Variants in SCUBE1 observed in about 807,000 individuals in gnomAD.
The protein encoded by SCUBE1 is signal peptide, CUB domain and EGF like domain containing 1.
A neutral mutation model predicts 124.4 loss-of-function variants in SCUBE1; 59 were observed. The ratio of observed to expected loss-of-function variants is 0.47; its 90% CI spans 0.38 to 0.59. SCUBE1 has a LOEUF of 0.59. SCUBE1 is among the 20% of genes least tolerant of loss of function. The pLI is 0.00. For synonymous variants in SCUBE1, 545 were observed against 550.9 expected (o/e 0.99, Z 0.15); for missense variants, 1,150 against 1,371.2 (o/e 0.84, Z 2.55).
At chr22:43,214,057 C>T in intron 16 of SCUBE1, 33 bp downstream of exon 16, 2 of 425,412 alleles carry the variant, frequency 4.7e-6, no homozygotes, top group African/African-American at 2.1e-5. Flanking sequence ...GCCCACCCCC[C>T]ACCCCCACCT....
chr22:43,276,948 T>C (rs1368147268), intron 4 of SCUBE1, among the ~76,000 whole-genome samples: 4 of 152,150 alleles, frequency 2.6e-5, no homozygotes, highest in Non-Finnish European at 5.9e-5. Flanking sequence ...GCCTGCTCCC[T>C]ACAGACCCCA....
rs747348049 is a variant in SCUBE1 at position 43,262,805 on chromosome 22, G to A, written c.525C>T (p.His175=). 2.5e-6 allele frequency: 4 copies of A among 1,614,106 alleles called. No individual in the cohort carries two copies. The highest frequency in any genetic ancestry group is 1.3e-5 in the African/African-American group (1 of 74,942). Residue 175 remains histidine, a synonymous_variant, in exon 5 of 22, where the codon CAC becomes CAT. Transcript: ENST00000360835. ...CACCTTTGGGCGTCTCCCGGCAGAT[G>A]TGGGCACAGCCATGGTCTTTGTTCA... ...NCMNKDHGCA[H]ICRETPKGGV...
intron 6 of SCUBE1, among the ~76,000 whole-genome samples, chr22:43,250,024 C>T (rs975630336): frequency 4.6e-5 from 7 of 152,366 alleles, no homozygotes; most frequent in African/African-American, 9.6e-5. Context: ...CCTGGCACCG[C>T]GCTAAGCACC....
rs1189516966 is a variant in SCUBE1, at chr22:43,281,536, TCAGTCACCCTCCTGTCACCTCCC to T, written c.484+9487_484+9509del. ...CTCAGCCACCCTCCTGTCACCTCCCTCAGTCACCCTCCTGTCACCTCCCCCTCAGCCACCCTCCTGTCACCTCC... is the reference window on the plus strand; with the variant it reads ...CTCAGCCACCCTCCTGTCACCTCCCTCCTCAGCCACCCTCCTGTCACCTCC... On this transcript the variant is annotated intron_variant, in intron 4 of 21. Coordinates refer to ENST00000360835, the MANE Select transcript of SCUBE1 (RefSeq NM_173050.5). 2.5e-3 allele frequency among the ~76,000 whole-genome samples: 190 copies of T among 75,174 alleles called. 2 individuals carry two copies. Among genetic ancestry groups the T allele is most frequent in the African/African-American group, 5.6e-3 (106 of 18,776 alleles). 49.3% of individuals were successfully genotyped at this position (75,174 alleles called of 152,430 possible). A position where few individuals can be genotyped will look rare whatever the true frequency, so the allele number is the denominator to read the frequency against.
rs1470823018 is a variant in SCUBE1 at position 43,227,513 on chromosome 22, C to T, written c.1085-17G>A. The T allele has an allele frequency of 5.0e-6, 8 of 1,609,034 alleles. No homozygotes were observed. Among genetic ancestry groups the T allele is most frequent in the Non-Finnish European group, 6.8e-6 (8 of 1,178,668 alleles). On this transcript the variant is annotated splice_polypyrimidine_tract_variant and intron_variant, in intron 9 of 21. Transcript: ENST00000360835. ...CGTCCACATCTGGAAGCACAGCGGGCGTAAGGGCAGAGGGGAGGCTGGCGG... is the reference window on the plus strand; with the variant it reads ...CGTCCACATCTGGAAGCACAGCGGGTGTAAGGGCAGAGGGGAGGCTGGCGG...
Position 43,208,112 on chromosome 22 carries a change from G to A in SCUBE1, c.2694C>T (p.Asn898=). The part of the protein sequence containing the change: ...LWIQFKSNEG[N]SGKGFQVPYV... ...AGGGCACTTGGAAGCCTTTGCCGCT[G>A]TTGCCTTCATTGGATTTGAACTGGA... The change falls in exon 20 of 22, where the codon AAC becomes AAT. Residue 898 remains asparagine, a synonymous_variant. Coordinates refer to ENST00000360835, the MANE Select transcript of SCUBE1 (RefSeq NM_173050.5). 6.2e-7 allele frequency: 1 copy of A among 1,614,176 alleles called. No homozygotes were observed. The highest frequency in any genetic ancestry group is 8.5e-7 in the Non-Finnish European group (1 of 1,180,032).
chr22:43,306,506 C>T (rs1165387275), intron 3 of SCUBE1, among the ~76,000 whole-genome samples: 1 of 152,064 alleles, frequency 6.6e-6, no homozygotes, highest in Admixed American at 6.5e-5. Flanking sequence ...GGCACAGTGA[C>T]AACAGATTTC....
At chr22:43,228,557 C>T (rs923215551) in intron 9 of SCUBE1, among the ~76,000 whole-genome samples, 1 of 152,230 alleles carries the variant, frequency 6.6e-6, no homozygotes, top group Non-Finnish European at 1.5e-5. Flanking sequence ...CCCCTATCCG[C>T]ATCTTCCTCT....
intron 6 of SCUBE1, among the ~76,000 whole-genome samples, chr22:43,241,819 T>C (rs370859184): frequency 6.6e-5 from 10 of 152,340 alleles, no homozygotes; most frequent in Middle Eastern, 3.4e-3. Flanking sequence ...AATGTGCCCA[T>C]GTCAGGCTCA....
At chr22:43,221,969 C>T (rs1922108656) in intron 12 of SCUBE1, among the ~76,000 whole-genome samples, 1 of 152,104 alleles carries the variant, frequency 6.6e-6, no homozygotes, top group Non-Finnish European at 1.5e-5. Context: ...GAGGCTGAGG[C>T]AGGAGAATTG....
intron 2 of SCUBE1, among the ~76,000 whole-genome samples, chr22:43,337,301 G>A (rs781198146): frequency 2.6e-5 from 4 of 152,126 alleles, no homozygotes; most frequent in Non-Finnish European, 5.9e-5. Context: ...AGGCCTCCCG[G>A]GCAGGGGACA....
chr22:43,202,875 T>C lies in SCUBE1; in HGVS notation c.*1122A>G, dbSNP rs1209063694. 1 of 152,132 alleles carries C rather than the reference T, an allele frequency of 6.6e-6. No homozygotes were observed. Among genetic ancestry groups the C allele is most frequent in the Non-Finnish European group, 1.5e-5 (1 of 68,164 alleles). 9.4% of individuals were successfully genotyped at this position (152,132 alleles called of 1,614,324 possible). Reference sequence around the variant, plus strand: ...CTGGCCGCTCTGAGGCTCCTTGTGGTGGTACAGCCTGTGCTCCTGTGAGCA... The same window carrying C: ...CTGGCCGCTCTGAGGCTCCTTGTGGCGGTACAGCCTGTGCTCCTGTGAGCA... On this transcript the variant is annotated 3_prime_UTR_variant, in exon 22 of 22. Transcript: ENST00000360835.
At chr22:43,220,256 G>T (rs1922032854) in intron 14 of SCUBE1, among the ~76,000 whole-genome samples, 194 bp downstream of exon 14, 1 of 152,174 alleles carries the variant, frequency 6.6e-6, no homozygotes, top group Non-Finnish European at 1.5e-5. Context: ...TCTATCCTGG[G>T]CTGCAAGCGT....
intron 6 of SCUBE1, among the ~76,000 whole-genome samples, chr22:43,257,274 A>G (rs550811243): frequency 6.6e-6 from 1 of 152,204 alleles, no homozygotes; most frequent in South Asian, 2.1e-4. Flanking sequence ...AGTCTCCCTC[A>G]AGAAGTATCT....
intron 4 of SCUBE1, 81 bp from the exon 5 acceptor site, chr22:43,262,926 C>G: frequency 6.8e-7 from 1 of 1,474,434 alleles, no homozygotes; most frequent in Admixed American, 1.8e-5. Flanking sequence ...AAGGGGATAG[C>G]CAATGATATG....
intron 2 of SCUBE1, among the ~76,000 whole-genome samples, chr22:43,330,215 C>T (rs1394317836): frequency 6.6e-6 from 1 of 152,168 alleles, no homozygotes; most frequent in Non-Finnish European, 1.5e-5. Context: ...AACCAGGGCT[C>T]AGAATGGTTA....
chr22:43,238,878 G>T lies in SCUBE1; in HGVS notation c.804C>A (p.Pro268=), dbSNP rs768353995. Residue 268 remains proline (P), a synonymous_variant, in exon 7 of 22, where the codon CCC becomes CCA. Transcript: ENST00000360835. ...DTATGVRCSC[P]VGFTLQPDGK... Reference sequence around the variant, plus strand: ...CGTCCGGCTGCAGTGTGAATCCAACGGGGCAGCTGCATCGCACGCCAGTGG... The same window carrying T: ...CGTCCGGCTGCAGTGTGAATCCAACTGGGCAGCTGCATCGCACGCCAGTGG... 13 of 1,613,238 alleles carry T rather than the reference G, an allele frequency of 8.1e-6. No individual in the cohort carries two copies. Among genetic ancestry groups the T allele is most frequent in the Non-Finnish European group, 1.1e-5 (13 of 1,180,030 alleles).
intron 1 of SCUBE1, among the ~76,000 whole-genome samples, chr22:43,340,407 G>A (rs576753327): frequency 2.6e-5 from 4 of 151,962 alleles, no homozygotes; most frequent in African/African-American, 9.7e-5. Context: ...AACAGCTGTT[G>A]GGGCAAATTG....
chr22:43,216,884 A>G (rs1337743157), intron 15 of SCUBE1, among the ~76,000 whole-genome samples: 4 of 72,992 alleles, frequency 5.5e-5, no homozygotes, highest in Non-Finnish European at 9.8e-5. Flanking sequence ...GCCAGGTGTC[A>G]TCTCTTTACC....
Sources: gnomAD v4.1 joint callset for allele counts (sites outside exome capture counted in the v4.1 genomes callset) on GRCh38, gnomAD v4.1.1 for gene constraint, MANE v1.5 for transcripts, NCBI Gene and HGNC (gene_info 2026-07-23, HGNC 2026-07-21) for gene names.